The following ZDHHC14 variants were observed in gnomAD, a reference collection of about 807,000 sequenced individuals.
The protein encoded by ZDHHC14 is zDHHC palmitoyltransferase 14.
Under a neutral mutation model 47.7 loss-of-function variants are expected in ZDHHC14, and 16 were observed. That is an observed-to-expected ratio of 0.34 (90% confidence interval 0.23 to 0.51). The LOEUF (loss-of-function observed/expected upper bound fraction) is 0.51. ZDHHC14 is among the 20% of genes least tolerant of loss of function. The pLI, the probability that ZDHHC14 is intolerant of heterozygous loss-of-function variation, is 0.97. For missense variants in ZDHHC14, 515 were observed against 662.5 expected (o/e 0.78, Z 2.44); for synonymous variants, 293 against 278.9 (o/e 1.05, Z -0.50).
chr6:157,477,503 T>C (rs150099866), intron 1 of ZDHHC14, among the ~76,000 whole-genome samples: 2,023 of 152,380 alleles, frequency 0.013, 48 homozygotes, highest in African/African-American at 0.046. Context: ...TTTTTGAATA[T>C]ATTCCATAAA....
intron 1 of ZDHHC14, among the ~76,000 whole-genome samples, chr6:157,421,492 CAAAAA>C (rs147380621): frequency 4.9e-4 from 28 of 56,712 alleles, no homozygotes; most frequent in African/African-American, 1.8e-3. Context: ...GACTCCGTCT[CAAAAA>C]AAAAAAAAAA....
intron 2 of ZDHHC14, among the ~76,000 whole-genome samples, chr6:157,562,639 G>A (rs553713116): frequency 4.6e-5 from 7 of 152,306 alleles, no homozygotes; most frequent in Admixed American, 6.5e-5. Context: ...CAGCTCATTC[G>A]CAGGCAGGTT....
rs1408327690 is a variant in ZDHHC14, at chr6:157,586,577, G to A, written c.407-6411G>A. On this transcript the variant is annotated intron_variant, in intron 2 of 8. Coordinates refer to ENST00000359775, the MANE Select transcript of ZDHHC14 (RefSeq NM_024630.3). This position sits in a 1 kb window ranked among gnomAD's most constrained non-coding sequence, Gnocchi z 4.6. The stretch of plus-strand genomic sequence containing the variant: ...GCATTTAGAAAGCTGACTCTTTAAG[G>A]GCCAGGAGAACAGATCAGATCAGAA... 6.6e-6 allele frequency among the ~76,000 whole-genome samples: 1 copy of A among 152,122 alleles called. No homozygotes were observed. The highest frequency in any genetic ancestry group is 2.1e-4 in the South Asian group (1 of 4,820).
intron 5 of ZDHHC14, among the ~76,000 whole-genome samples, chr6:157,642,070 T>TAGA (rs1562524658): frequency 2.3e-5 from 3 of 133,042 alleles, no homozygotes; most frequent in Middle Eastern, 3.7e-3. Context: ...AGATAGATAG[T>TAGA]TATCATGTTG....
At chr6:157,645,711 C>T (rs749468310) in intron 5 of ZDHHC14, 26 bp from the exon 6 acceptor site, 1 of 1,603,346 alleles carries the variant, frequency 6.2e-7, no homozygotes, top group African/African-American at 1.3e-5. Context: ...TCCCTCACTT[C>T]CGCTTGCCTC....
intron 1 of ZDHHC14, among the ~76,000 whole-genome samples, chr6:157,411,321 G>T (rs1777865892): frequency 6.6e-6 from 1 of 152,238 alleles, no homozygotes; most frequent in Non-Finnish European, 1.5e-5. Flanking sequence ...GGTTGCCAGG[G>T]AGGAGAGAGT....
intron 2 of ZDHHC14, among the ~76,000 whole-genome samples, chr6:157,579,190 G>GTTTTTTTTTTTTTTTTTTTTTTT (rs1187065924): frequency 1.6e-5 from 1 of 63,946 alleles, no homozygotes; most frequent in Non-Finnish European, 3.0e-5. Flanking sequence ...TTGATTCTGT[G>GTTTTTTTTTTTTTTTTTTTTTTT]TTTTTTTTTT....
intron 1 of ZDHHC14, among the ~76,000 whole-genome samples, chr6:157,383,738 A>G (rs1311735550): frequency 2.0e-5 from 3 of 152,036 alleles, no homozygotes; most frequent in East Asian, 1.9e-4. Context: ...GTCCCCCTTG[A>G]TGTTTAGGTT....
intron 2 of ZDHHC14, among the ~76,000 whole-genome samples, chr6:157,563,790 G>T (rs985866612): frequency 6.6e-6 from 1 of 152,254 alleles, no homozygotes; most frequent in Non-Finnish European, 1.5e-5. Flanking sequence ...AGTTGAGGCT[G>T]TGGGGCTGCG....
chr6:157,593,934 A>C (rs1396389431), intron 3 of ZDHHC14, among the ~76,000 whole-genome samples: 1 of 152,230 alleles, frequency 6.6e-6, no homozygotes, highest in Non-Finnish European at 1.5e-5. Context: ...GGAAGCAAGG[A>C]GAGGACAAAA....
intron 2 of ZDHHC14, among the ~76,000 whole-genome samples, chr6:157,583,820 C>T (rs1783597142): frequency 6.6e-6 from 1 of 152,094 alleles, no homozygotes; most frequent in Admixed American, 6.5e-5. Context: ...AGAGGAAGGG[C>T]CCTTAGCAGT....
intron 2 of ZDHHC14, among the ~76,000 whole-genome samples, chr6:157,577,506 C>T (rs1318267292): frequency 1.3e-5 from 2 of 152,166 alleles, no homozygotes; most frequent in African/African-American, 4.8e-5. Context: ...TCCCTTCATT[C>T]CCTTTTCTTG....
intron 1 of ZDHHC14, among the ~76,000 whole-genome samples, chr6:157,516,595 G>A (rs1177172028): frequency 6.6e-6 from 1 of 152,158 alleles, no homozygotes; most frequent in Non-Finnish European, 1.5e-5. Context: ...GAAATATTGG[G>A]TTGAAATGGA....
intron 3 of ZDHHC14, among the ~76,000 whole-genome samples, chr6:157,615,861 A>G (rs1328695592): frequency 1.3e-5 from 2 of 152,226 alleles, no homozygotes; most frequent in Non-Finnish European, 2.9e-5. Flanking sequence ...AAAAATAATG[A>G]GGAAACTCAG....
At chr6:157,460,057 CAAAA>C (rs35995673) in intron 1 of ZDHHC14, among the ~76,000 whole-genome samples, 1,228 of 118,196 alleles carry the variant, frequency 0.01, 10 homozygotes, top group Non-Finnish European at 0.012. Context: ...ACTAAAAATA[CAAAA>C]AAAAAAAAAA....
chr6:157,589,664 CTG>C (rs1783831620), intron 2 of ZDHHC14, among the ~76,000 whole-genome samples: 1 of 152,212 alleles, frequency 6.6e-6, no homozygotes, highest in Non-Finnish European at 1.5e-5. Context: ...CCCTTCAGAA[CTG>C]TGAGTCAATT....
At chr6:157,430,309 TGTAA>T (rs1778312399) in intron 1 of ZDHHC14, among the ~76,000 whole-genome samples, 1 of 114,376 alleles carries the variant, frequency 8.7e-6, no homozygotes, top group South Asian at 2.7e-4. Flanking sequence ...AGCAAGACTG[TGTAA>T]AAAAAAAAAA....
chr6:157,575,543 T>A (rs2163290), intron 2 of ZDHHC14, among the ~76,000 whole-genome samples: 3 of 151,868 alleles, frequency 2.0e-5, no homozygotes, highest in Non-Finnish European at 4.4e-5. Flanking sequence ...CCTCCTGTCC[T>A]GGGACCAGGA....
At chr6:157,612,045 C>G (rs1562507633) in intron 3 of ZDHHC14, among the ~76,000 whole-genome samples, 1 of 151,276 alleles carries the variant, frequency 6.6e-6, no homozygotes, top group Non-Finnish European at 1.5e-5. Flanking sequence ...AGTGACCCCC[C>G]ACCTTGCTGA....
Sources: gnomAD v4.1 joint callset for allele counts (sites outside exome capture counted in the v4.1 genomes callset) on GRCh38, gnomAD v4.1.1 for gene constraint, Gnocchi (gnomAD v3.1) non-coding constraint, MANE v1.5 for transcripts, NCBI Gene and HGNC (gene_info 2026-07-23, HGNC 2026-07-21) for gene names.